The following SLC26A4 variants were observed in gnomAD, a reference collection of about 807,000 sequenced individuals.
The protein encoded by SLC26A4 is solute carrier family 26 member 4.
In SLC26A4, 93 loss-of-function variants were observed where a neutral mutation model predicts 90.4. That is an observed-to-expected ratio of 1.03 (90% CI 0.87 to 1.22). The LOEUF (loss-of-function observed/expected upper bound fraction) is 1.22. SLC26A4 is among the 50% of genes most tolerant of loss of function. SLC26A4 has a pLI of 0.00. For synonymous variants in SLC26A4, 393 were observed against 354.6 expected (o/e 1.11, Z -1.22); for missense variants, 1,127 against 946.2 (o/e 1.19, Z -2.51).
intron 8 of SLC26A4, among the ~76,000 whole-genome samples, chr7:107,685,902 A>G (rs1210454514): frequency 4.0e-5 from 6 of 151,754 alleles, no homozygotes; most frequent in Non-Finnish European, 8.8e-5. Context: ...ACGCACGTGT[A>G]TGTGTAAACC....
chr7:107,668,305 A>C (rs1283907385), intron 3 of SLC26A4, among the ~76,000 whole-genome samples: 1 of 152,174 alleles, frequency 6.6e-6, no homozygotes, highest in Non-Finnish European at 1.5e-5. Context: ...TGAAGACAGG[A>C]AGGTGTGGAG....
rs80108455 is a variant in SLC26A4 at position 107,713,367 on chromosome 7, T to A, written c.2319+745T>A. 9.4e-3 allele frequency among the ~76,000 whole-genome samples: 1,435 copies of A among 152,322 alleles called. 25 individuals are homozygous for A. The highest frequency in any genetic ancestry group is 0.033 in the African/African-American group (1,370 of 41,562). ...AGGGAGTTTGTTACATGGTTGGAAG[T>A]CTCTAAATGTTACTTGTGCTTACAG... On this transcript the variant is annotated intron_variant, in intron 20 of 20. Coordinates refer to ENST00000644269, the MANE Select transcript of SLC26A4 (RefSeq NM_000441.2).
chr7:107,705,779 G>A (rs1792022793), intron 18 of SLC26A4, among the ~76,000 whole-genome samples: 1 of 152,220 alleles, frequency 6.6e-6, no homozygotes, highest in Non-Finnish European at 1.5e-5. Flanking sequence ...TTATGATAGG[G>A]AGTCTTGTTC....
chr7:107,704,428 T>C, intron 18 of SLC26A4, 43 bp downstream of exon 18: 1 of 882,580 alleles, frequency 1.1e-6, no homozygotes, highest in Non-Finnish European at 1.9e-6. Context: ...GACTTTCCCG[T>C]AAGCCCTTTC....
chr7:107,713,182 T>C (rs1792240350), intron 20 of SLC26A4, among the ~76,000 whole-genome samples: 1 of 152,202 alleles, frequency 6.6e-6, no homozygotes, highest in African/African-American at 2.4e-5. Context: ...AGGTGAACAC[T>C]GAAGGAAGAT....
chr7:107,667,919 C>T (rs1370902918), intron 3 of SLC26A4, among the ~76,000 whole-genome samples: 1 of 152,046 alleles, frequency 6.6e-6, no homozygotes, highest in Non-Finnish European at 1.5e-5. Context: ...CGATTAAATG[C>T]AGAATATGTC....
intron 18 of SLC26A4, among the ~76,000 whole-genome samples, chr7:107,707,544 G>A (rs7777836): frequency 0.025 from 3,790 of 152,284 alleles, 157 homozygotes; most frequent in African/African-American, 0.086. Flanking sequence ...AAGATCTGAT[G>A]TGAGTTACCC....
chr7:107,695,853 T>C, intron 12 of SLC26A4, 80 bp from the exon 13 acceptor site: 1 of 820,192 alleles, frequency 1.2e-6, no homozygotes, highest in Non-Finnish European at 2.2e-6. Context: ...GGATCATTGA[T>C]CTTATTTTTA....
intron 10 of SLC26A4, among the ~76,000 whole-genome samples, chr7:107,691,508 T>TACAC (rs1562833956): frequency 1.9e-5 from 1 of 54,042 alleles, no homozygotes; most frequent in Admixed American, 2.3e-4. Context: ...GTGTCAAATA[T>TACAC]ATATATACAC....
intron 9 of SLC26A4, 142 bp downstream of exon 9, chr7:107,689,342 G>C (rs1791506906): frequency 1.5e-5 from 12 of 823,656 alleles, no homozygotes; most frequent in Non-Finnish European, 2.4e-5. Context: ...TCTTGTGTTT[G>C]CTAATTAGAA....
In SLC26A4 at chr7:107,672,219, TC is replaced by T. The variant is rs2129311265; in HGVS notation, c.387del (p.Phe130LeufsTer15). ...SAFFPILTYF[I>X]FGTSRHISVG... The stretch of plus-strand genomic sequence containing the variant: ...TTTTTCCCTATCCTGACATACTTTA[TC>T]TTTGGAACATCAAGACATATCTCAG... On this transcript the variant is annotated frameshift_variant, in exon 4 of 21. Coordinates refer to ENST00000644269, the MANE Select transcript of SLC26A4 (RefSeq NM_000441.2). LOFTEE classifies it high-confidence loss of function. 6.2e-7 allele frequency: 1 copy of T among 1,606,260 alleles called. No homozygotes were observed. The highest frequency in any genetic ancestry group is 2.2e-5 in the East Asian group (1 of 44,808).
chr7:107,676,871 A>G (rs1442508489), intron 6 of SLC26A4, among the ~76,000 whole-genome samples: 1 of 152,200 alleles, frequency 6.6e-6, no homozygotes, highest in Non-Finnish European at 1.5e-5. Context: ...AGGCAGAATA[A>G]CATAGTGAAT....
rs1792270570 is a variant in SLC26A4, at chr7:107,714,050, TTGGGATTACA to T, written c.2320-1372_2320-1363del. On this transcript the variant is annotated intron_variant, in intron 20 of 20. Coordinates refer to ENST00000644269, the MANE Select transcript of SLC26A4 (RefSeq NM_000441.2). ...ACGTGTGCCTCAGCTTCCCAAGTAG[TTGGGATTACA>T]GGCGCTCGCCACCACGTCCAGATAA... Among the ~76,000 whole-genome samples, 3 of 151,482 alleles carry T rather than the reference TTGGGATTACA, an allele frequency of 2.0e-5. No individual in the cohort carries two copies. In the South Asian group the frequency reaches 6.3e-4, roughly 32 times the overall value.
intron 13 of SLC26A4, among the ~76,000 whole-genome samples, chr7:107,697,424 T>C (rs1791770170): frequency 6.6e-6 from 1 of 152,210 alleles, no homozygotes; most frequent in Non-Finnish European, 1.5e-5. Context: ...ACTAAACAGA[T>C]ACTCTTTCTT....
rs777641484 is a variant in SLC26A4, at chr7:107,702,028, G to A, written c.2005G>A (p.Asp669Asn). 1.9e-6 allele frequency: 3 copies of A among 1,613,536 alleles called. No homozygotes were observed. The highest frequency in any genetic ancestry group is 1.1e-5 in the South Asian group (1 of 91,086). ...TGACTGTGGAGCTATATCTTTCCTG[G>A]ACGTTGTTGGAGTGAGATCACTGCG... ...VLDCGAISFLDVVGVRSLRVI... is the reference protein window; with the variant it reads ...VLDCGAISFLNVVGVRSLRVI... Residue 669 changes from aspartate to asparagine, a missense_variant, in exon 17 of 21, where the codon GAC (aspartate) becomes AAC (asparagine). Transcript: ENST00000644269.
intron 19 of SLC26A4, among the ~76,000 whole-genome samples, chr7:107,712,335 A>G (rs534909352): frequency 6.6e-6 from 1 of 152,342 alleles, no homozygotes; most frequent in South Asian, 2.1e-4. Flanking sequence ...ACAATGGAGA[A>G]CTATACCAGT....
Position 107,674,329 on chromosome 7 carries a change from T to C in SLC26A4, c.581T>C (p.Leu194Pro). 1 of 1,613,310 alleles carries C rather than the reference T, an allele frequency of 6.2e-7. No individual in the cohort carries two copies. The highest frequency in any genetic ancestry group is 8.5e-7 in the Non-Finnish European group (1 of 1,179,238). ...GTCCTGATTGCCAGTGCCCTGACTC[T>C]GCTGGTTGGAATTATACAGGTAATG... ...ARVLIASALT[L>P]LVGIIQLIFG... Residue 194 changes from leucine (L) to proline (P), a missense_variant, in exon 5 of 21, where the codon CTG (leucine) becomes CCG (proline). Coordinates refer to ENST00000644269, the MANE Select transcript of SLC26A4 (RefSeq NM_000441.2).
At chr7:107,699,187 A>G (rs1014960739) in intron 14 of SLC26A4, among the ~76,000 whole-genome samples, 1 of 152,162 alleles carries the variant, frequency 6.6e-6, no homozygotes, top group Non-Finnish European at 1.5e-5. Flanking sequence ...AAGCTGAGTT[A>G]GGGAATTCTG....
intron 6 of SLC26A4, among the ~76,000 whole-genome samples, chr7:107,679,465 A>G (rs1364601550): frequency 6.6e-6 from 1 of 152,226 alleles, no homozygotes; most frequent in Non-Finnish European, 1.5e-5. Context: ...AAATAAATTC[A>G]GTTCCAATAG....
Sources: allele counts gnomAD v4.1 joint callset (sites outside exome capture counted in the v4.1 genomes callset), GRCh38; gene constraint gnomAD v4.1.1; transcripts MANE v1.5; gene names NCBI Gene and HGNC (gene_info 2026-07-23, HGNC 2026-07-21).